ESRRG: variants seen among roughly 807,000 people sequenced by gnomAD.
ESRRG encodes the protein estrogen related receptor gamma, also known as estrogen-related receptor gamma.
Under a neutral mutation model 44.0 loss-of-function variants are expected in ESRRG, and 13 were observed. The ratio of observed to expected loss-of-function variants is 0.30; its 90% CI spans 0.19 to 0.47. ESRRG has a LOEUF of 0.47. ESRRG is among the 20% of genes least tolerant of loss of function. ESRRG has a pLI of 1.00. For missense variants in ESRRG, 395 were observed against 580.6 expected (o/e 0.68, Z 3.29); for synonymous variants, 215 against 214.6 (o/e 1.00, Z -0.02).
At chr1:216,864,007 C>CT (rs1217425577) in intron 2 of ESRRG, 1 of 152,138 alleles carries the variant, frequency 6.6e-6, no homozygotes, top group African/African-American at 2.4e-5. Flanking sequence ...CTGATCCTCT[C>CT]TAAGTTACAC....
At chr1:216,916,087 T>C (rs1476124842) in intron 2 of ESRRG, among the ~76,000 whole-genome samples, 2 of 152,144 alleles carry the variant, frequency 1.3e-5, no homozygotes, top group Non-Finnish European at 2.9e-5. Context: ...TCAGCCCCAA[T>C]TCAAGCATTA....
intron 1 of ESRRG, among the ~76,000 whole-genome samples, chr1:217,099,963 C>T (rs530294135): frequency 4.7e-5 from 7 of 149,580 alleles, no homozygotes; most frequent in African/African-American, 7.4e-5. Context: ...TGCTCCGTTC[C>T]GTTACATTTT....
Position 216,506,467 on chromosome 1 carries a change from A to AAAGGAAAGGGAAAAAGG in ESRRG, c.*455_*471dup, listed in dbSNP as rs1553269515. ...TCAAGAGGAAAGGAAAGGAAAGGGA[A>AAAGGAAAGGGAAAAAGG]AAGGAAAGGGAAAAAGGAAAGAAAG... On this transcript the variant is annotated 3_prime_UTR_variant, in exon 7 of 7. Transcript: ENST00000408911. The AAAGGAAAGGGAAAAAGG allele has an allele frequency of 2.7e-3, 910 of 343,164 alleles. 2 individuals carry two copies. Among genetic ancestry groups the AAAGGAAAGGGAAAAAGG allele is most frequent in the Non-Finnish European group, 4.1e-3 (729 of 176,854 alleles). The allele number at this position is 343,164 out of a possible 1,614,324, so 21.3% of individuals were successfully genotyped here. A position where few individuals can be genotyped will look rare whatever the true frequency, so the allele number is the denominator to read the frequency against.
At chr1:216,749,607 G>C (rs2091808920) in intron 2 of ESRRG, among the ~76,000 whole-genome samples, 1 of 152,168 alleles carries the variant, frequency 6.6e-6, no homozygotes, top group Non-Finnish European at 1.5e-5. Context: ...CTTGAATGAA[G>C]TTGTCATTCC....
intron 5 of ESRRG, among the ~76,000 whole-genome samples, chr1:216,530,778 C>T (rs2049134403): frequency 6.6e-6 from 1 of 152,134 alleles, no homozygotes; most frequent in South Asian, 2.1e-4. Context: ...AAAAACATAA[C>T]TTCAAATCCT....
chr1:217,055,359 C>A lies in ESRRG; in HGVS notation c.-106+34148G>T, dbSNP rs564864561. ...TAGAGGGGAGAGAGTCCAGTGGTGGCTGGCTGTACAGGAGAACCACCTTAT... is the reference window on the plus strand; with the variant it reads ...TAGAGGGGAGAGAGTCCAGTGGTGGATGGCTGTACAGGAGAACCACCTTAT... On this transcript the variant is annotated intron_variant, in intron 1 of 7. Transcript: ENST00000359162. Among the ~76,000 whole-genome samples, 10 of 152,184 alleles carry A rather than the reference C, an allele frequency of 6.6e-5. No homozygotes were observed. The East Asian group carries it at 1.9e-3, about 29-fold the overall frequency.
chr1:216,510,747 T>C (rs1462010748), intron 6 of ESRRG, among the ~76,000 whole-genome samples: 2 of 151,584 alleles, frequency 1.3e-5, no homozygotes, highest in African/African-American at 4.9e-5. Context: ...TAGCCGGGCG[T>C]AGTGGTGGGC....
intron 2 of ESRRG, among the ~76,000 whole-genome samples, chr1:216,922,330 C>A (rs1005636060): frequency 6.6e-6 from 1 of 152,202 alleles, no homozygotes; most frequent in African/African-American, 2.4e-5. Context: ...AACTTTCAGC[C>A]AGCACTCCCA....
chr1:216,768,763 T>C (rs2093236972), intron 2 of ESRRG, among the ~76,000 whole-genome samples: 1 of 152,124 alleles, frequency 6.6e-6, no homozygotes, highest in African/African-American at 2.4e-5. Context: ...AGTGCTGGGA[T>C]TACAGGGGTA....
intron 6 of ESRRG, among the ~76,000 whole-genome samples, chr1:216,511,059 C>T (rs2042582345): frequency 6.6e-6 from 1 of 152,028 alleles, no homozygotes; most frequent in South Asian, 2.1e-4. Context: ...TATTCAGAGT[C>T]GAGCCTAGTA....
chr1:216,660,005 T>C (rs1415140534), intron 2 of ESRRG, among the ~76,000 whole-genome samples: 1 of 152,202 alleles, frequency 6.6e-6, no homozygotes, highest in Non-Finnish European at 1.5e-5. Context: ...AGCTTCAAAT[T>C]ATTCATTAAA....
At chr1:216,837,849 G>C (rs1261961424) in intron 2 of ESRRG, among the ~76,000 whole-genome samples, 1 of 152,134 alleles carries the variant, frequency 6.6e-6, no homozygotes, top group Non-Finnish European at 1.5e-5. Context: ...TACAAAGTAG[G>C]TTACAAGGTC....
intron 2 of ESRRG, among the ~76,000 whole-genome samples, chr1:216,809,147 A>G (rs1303107057): frequency 2.0e-5 from 3 of 152,108 alleles, no homozygotes; most frequent in Non-Finnish European, 2.9e-5. Context: ...CTTTTTGCCA[A>G]TGTTAGTGAT....
At chr1:216,984,051 G>T (rs1002915318) in intron 1 of ESRRG, among the ~76,000 whole-genome samples, 14 of 149,098 alleles carry the variant, frequency 9.4e-5, no homozygotes, top group Admixed American at 1.3e-4. Context: ...ATAAGAATGG[G>T]GGGGGGTATG....
At chr1:216,530,133 AGGGGGTGGGGG>A (rs1558296015) in intron 5 of ESRRG, among the ~76,000 whole-genome samples, 13 of 135,964 alleles carry the variant, frequency 9.6e-5, no homozygotes, top group African/African-American at 2.0e-4. Context: ...AAAAAAAAAA[AGGGGGTGGGGG>A]AAAGAATAGT....
At chr1:216,781,976 G>A (rs2093953694) in intron 2 of ESRRG, among the ~76,000 whole-genome samples, 2 of 151,912 alleles carry the variant, frequency 1.3e-5, no homozygotes, top group Non-Finnish European at 2.9e-5. Flanking sequence ...CTGGCCTTGC[G>A]GTCACCTCAG....
chr1:217,135,997 G>T (rs1267514208), intron 1 of ESRRG, among the ~76,000 whole-genome samples: 1 of 152,098 alleles, frequency 6.6e-6, no homozygotes, highest in African/African-American at 2.4e-5. Context: ...AGAGAGAGAT[G>T]AAATTTAATT....
At chr1:217,079,251 C>T (rs1580463117) in intron 1 of ESRRG, among the ~76,000 whole-genome samples, 1 of 152,296 alleles carries the variant, frequency 6.6e-6, no homozygotes, top group East Asian at 1.9e-4. Context: ...ACTGTCCTTC[C>T]TTTCTCTTCT....
intron 5 of ESRRG, among the ~76,000 whole-genome samples, chr1:216,550,019 G>A (rs1644540945): frequency 6.6e-6 from 1 of 152,028 alleles, no homozygotes; most frequent in Admixed American, 6.6e-5. Context: ...TTACATCAAA[G>A]TTTGCTTGCC....
Sources: allele counts gnomAD v4.1 joint callset (sites outside exome capture counted in the v4.1 genomes callset), GRCh38; gene constraint gnomAD v4.1.1; transcripts MANE v1.5; gene names NCBI Gene and HGNC (gene_info 2026-07-23, HGNC 2026-07-21).